The following LIAS variants were observed in gnomAD, a reference collection of about 807,000 sequenced individuals.
LIAS encodes lipoic acid synthetase, also known as lipoyl synthase, mitochondrial.
LIAS carries 36 observed loss-of-function variants against 49.4 expected under a neutral mutation model. That is an observed-to-expected ratio of 0.73 (90% CI 0.56 to 0.96). The LOEUF (loss-of-function observed/expected upper bound fraction) is 0.96, where lower values mean the gene tolerates loss of function less well. Ranked by LOEUF, LIAS falls within the 40% of genes least tolerant of loss-of-function variation. The pLI is 0.00. For missense variants in LIAS, 399 were observed against 456.3 expected (o/e 0.87, Z 1.14); for synonymous variants, 145 against 155.8 (o/e 0.93, Z 0.52).
Position 39,463,519 on chromosome 4 carries a change from A to C in LIAS, c.313-6A>C. 1 of 1,595,386 alleles carries C rather than the reference A, an allele frequency of 6.3e-7. No homozygotes were observed. The highest frequency in any genetic ancestry group is 1.3e-5 in the African/African-American group (1 of 74,452). ...CTAATGGTGTTCCATTTCCTTTTGC[A>C]TACAGGTATGTGAGGAAGCTCGATG... is the stretch of plus-strand genomic sequence containing the variant. On this transcript the variant is annotated splice_polypyrimidine_tract_variant and splice_region_variant and intron_variant, in intron 3 of 10. Coordinates refer to ENST00000640888, the MANE Select transcript of LIAS (RefSeq NM_006859.4).
At chr4:39,459,200 G>A (rs1304365769) in intron 1 of LIAS, 38 bp downstream of exon 1, 15 of 1,598,442 alleles carry the variant, frequency 9.4e-6, no homozygotes, top group Non-Finnish European at 1.2e-5. Context: ...CGTGGGGTGG[G>A]GGGATCCTAT....
rs201996792 is a variant in LIAS at position 39,460,804 on chromosome 4, T to C, written c.60T>C (p.Tyr20=). The change falls in exon 2 of 11, where the codon TAT becomes TAC. Residue 20 remains tyrosine, a synonymous_variant. Transcript: ENST00000640888. ...RTLGPRVFGR[Y]FCSPVRPLSS... is the part of the protein sequence containing the mutation. ...TCTTTCTTTAGGTATTTGGGAGATATTTTTGCAGCCCAGTCAGACCGTTAA... is the reference window on the plus strand; with the variant it reads ...TCTTTCTTTAGGTATTTGGGAGATACTTTTGCAGCCCAGTCAGACCGTTAA... 9.4e-5 allele frequency: 148 copies of C among 1,574,658 alleles called. No individual in the cohort carries two copies. Among genetic ancestry groups the C allele is most frequent in the Middle Eastern group, 6.8e-4 (4 of 5,892 alleles).
At chr4:39,467,369 A>G (rs1274907250) in intron 6 of LIAS, 149 bp from the exon 7 acceptor site, 3 of 619,812 alleles carry the variant, frequency 4.8e-6, no homozygotes, top group Non-Finnish European at 7.5e-6. Context: ...TGGTTCATGT[A>G]TGAACATCTG....
At chr4:39,476,754 G>A in intron 10 of LIAS, 1 of 238,764 alleles carries the variant, frequency 4.2e-6, no homozygotes, top group Non-Finnish European at 7.9e-6. Context: ...ATGAGGGATA[G>A]ATAGTGCACA....
At chr4:39,471,753 TGA>T (rs201264371) in intron 9 of LIAS, among the ~76,000 whole-genome samples, 11,810 of 151,876 alleles carry the variant, frequency 0.078, 557 homozygotes, top group African/African-American at 0.13. Flanking sequence ...CTCGAACTCC[TGA>T]GAGCTCAGGC....
At chr4:39,461,491 T>C (rs1744495129) in intron 2 of LIAS, among the ~76,000 whole-genome samples, 1 of 152,214 alleles carries the variant, frequency 6.6e-6, no homozygotes, top group South Asian at 2.1e-4. Context: ...GTAACCACTA[T>C]AAAATCTAGA....
intron 1 of LIAS, 115 bp downstream of exon 1, chr4:39,459,277 C>T (rs1330966951): frequency 4.4e-6 from 4 of 909,922 alleles, no homozygotes; most frequent in African/African-American, 1.7e-5. Context: ...TACTAGCCAA[C>T]GGCAGTTTTA....
At chr4:39,469,953 G>T (rs959490592) in intron 7 of LIAS, 66 bp from the exon 8 acceptor site, 22 of 1,447,942 alleles carry the variant, frequency 1.5e-5, no homozygotes, top group Non-Finnish European at 2.9e-6. Context: ...CTTTCAGGTT[G>T]CTTGCATAAC....
At chr4:39,475,775 G>A (rs1410026539) in intron 10 of LIAS, 1 of 152,324 alleles carries the variant, frequency 6.6e-6, no homozygotes, top group African/African-American at 2.4e-5. Flanking sequence ...TACCCAGGAG[G>A]TTGAGGTGGG....
rs377315137 is a variant in LIAS, at chr4:39,460,873, A to G, written c.129A>G (p.Pro43=). The change falls in exon 2 of 11, where the codon CCA becomes CCG. Residue 43 remains proline, a synonymous_variant. Coordinates refer to ENST00000640888, the MANE Select transcript of LIAS (RefSeq NM_006859.4). ...DKKKELLQNG[P]DLQDFVSGDL... ...AAAAGGAACTCCTACAGAATGGACC[A>G]GACCTTCAAGATTTTGTATCTGGTG... The G allele has an allele frequency of 1.4e-5, 23 of 1,613,548 alleles. No individual in the cohort carries two copies. In the African/African-American group the frequency reaches 2.9e-4, roughly 21 times the overall value.
At position 39,477,221 on chromosome 4, in the gene LIAS, C is replaced by A; in HGVS notation, c.*106C>A. On this transcript the variant is annotated 3_prime_UTR_variant, in exon 11 of 11. Transcript: ENST00000640888. Reference sequence around the variant, plus strand: ...GGACTGCAGTGGATGTGCCCCACCTCTTTGCTTAAAAAAAAAAATGTCAAT... The same window carrying A: ...GGACTGCAGTGGATGTGCCCCACCTATTTGCTTAAAAAAAAAAATGTCAAT... The A allele has an allele frequency of 1.2e-6, 1 of 804,668 alleles. No individual in the cohort carries two copies. Among genetic ancestry groups the A allele is most frequent in the South Asian group, 1.6e-5 (1 of 61,136 alleles). 49.8% of individuals were successfully genotyped at this position (804,668 alleles called of 1,614,324 possible). A position where few individuals can be genotyped will look rare whatever the true frequency, so the allele number is the denominator to read the frequency against.
rs750439302 is a variant in LIAS, at chr4:39,460,858, C to G, written c.114C>G (p.Leu38=). The change falls in exon 2 of 11, where the codon CTC becomes CTG. Residue 38 remains leucine (L), a synonymous_variant. Coordinates refer to ENST00000640888, the MANE Select transcript of LIAS (RefSeq NM_006859.4). ...CCTTGCCAGATAAAAAAAAGGAACT[C>G]CTACAGAATGGACCAGACCTTCAAG... is the stretch of plus-strand genomic sequence containing the variant. The part of the protein sequence containing the change: ...LSSLPDKKKE[L]LQNGPDLQDF... The G allele has an allele frequency of 2.1e-5, 34 of 1,611,240 alleles. No individual in the cohort carries two copies. Among genetic ancestry groups the G allele is most frequent in the Non-Finnish European group, 2.5e-5 (30 of 1,179,198 alleles).
At chr4:39,469,883 C>A in intron 7 of LIAS, 136 bp from the exon 8 acceptor site, 2 of 691,670 alleles carry the variant, frequency 2.9e-6, no homozygotes, top group Non-Finnish European at 4.6e-6. Context: ...GGCATCTGTG[C>A]ATAAATGCTA....
intron 1 of LIAS, among the ~76,000 whole-genome samples, chr4:39,460,395 G>T (rs1744411037): frequency 6.6e-6 from 1 of 152,024 alleles, no homozygotes; most frequent in East Asian, 1.9e-4. Flanking sequence ...TTAGCCGGGC[G>T]TGGTGGCGGG....
At chr4:39,473,006 G>T (rs1007956253) in intron 9 of LIAS, 94 bp from the exon 10 acceptor site, 11 of 691,818 alleles carry the variant, frequency 1.6e-5, no homozygotes, top group East Asian at 5.6e-5. Flanking sequence ...GATAAATTAC[G>T]CAGTGAAGAG....
intron 5 of LIAS, 39 bp from the exon 6 acceptor site, chr4:39,465,246 G>A: frequency 6.2e-7 from 1 of 1,612,572 alleles, no homozygotes; most frequent in Non-Finnish European, 8.5e-7. Context: ...GGCTCTAAAT[G>A]ATGACATCAT....
At chr4:39,461,000 C>G (rs1430449966) in intron 2 of LIAS, 38 bp downstream of exon 2, 1 of 1,516,880 alleles carries the variant, frequency 6.6e-7, no homozygotes, top group African/African-American at 1.4e-5. Flanking sequence ...CGTCCCGTTC[C>G]TTTATTGTGC....
intron 3 of LIAS, among the ~76,000 whole-genome samples, chr4:39,463,306 A>G (rs987079341): frequency 1.3e-5 from 2 of 151,662 alleles, no homozygotes; most frequent in Non-Finnish European, 2.9e-5. Context: ...CTGGTTCCAG[A>G]CTCCTGGGCT....
Position 39,478,529 on chromosome 4 carries a change from C to A in LIAS, c.*1414C>A, listed in dbSNP as rs983968752. On this transcript the variant is annotated 3_prime_UTR_variant, in exon 11 of 11. Coordinates refer to ENST00000640888, the MANE Select transcript of LIAS (RefSeq NM_006859.4). ...AAAAAAAGTAAATGTTGATTTTTTA[C>A]ATTGGTGTGACTACTTCAGAACCTG... is the stretch of plus-strand genomic sequence containing the variant. The A allele has an allele frequency of 6.6e-6, 1 of 152,186 alleles. No individual in the cohort carries two copies. Among genetic ancestry groups the A allele is most frequent in the Non-Finnish European group, 1.5e-5 (1 of 68,036 alleles). 9.4% of individuals were successfully genotyped at this position (152,186 alleles called of 1,614,324 possible). A position where few individuals can be genotyped will look rare whatever the true frequency, so the allele number is the denominator to read the frequency against.
Sources: allele counts gnomAD v4.1 joint callset (sites outside exome capture counted in the v4.1 genomes callset), GRCh38; gene constraint gnomAD v4.1.1; transcripts MANE v1.5; gene names NCBI Gene and HGNC (gene_info 2026-07-23, HGNC 2026-07-21).